THSD4: variants seen among roughly 807,000 people sequenced by gnomAD.
THSD4 encodes thrombospondin type 1 domain containing 4, also known as thrombospondin type-1 domain-containing protein 4.
In THSD4, 69 loss-of-function variants were observed where a neutral mutation model predicts 119.0. The ratio of observed to expected loss-of-function variants is 0.58; its 90% CI spans 0.48 to 0.71. The LOEUF (loss-of-function observed/expected upper bound fraction) is 0.71, where lower values mean the gene tolerates loss of function less well. Ranked by LOEUF, THSD4 falls within the 30% of genes least tolerant of loss-of-function variation. The pLI is 0.00. For missense variants in THSD4, 1,393 were observed against 1,391.1 expected (o/e 1.00, Z -0.02); for synonymous variants, 524 against 540.4 (o/e 0.97, Z 0.42).
chr15:71,104,951 T>A (rs2040268233), intron 1 of THSD4, among the ~76,000 whole-genome samples: 1 of 152,200 alleles, frequency 6.6e-6, no homozygotes, highest in African/African-American at 2.4e-5. Flanking sequence ...TAATTTGATA[T>A]CTTATTGTCA....
intron 8 of THSD4, among the ~76,000 whole-genome samples, chr15:71,662,852 T>C (rs1567088461): frequency 1.3e-5 from 2 of 152,244 alleles, no homozygotes; most frequent in African/African-American, 4.8e-5. Flanking sequence ...GTTCATTGCC[T>C]TTCTTTTGTC....
intron 6 of THSD4, among the ~76,000 whole-genome samples, chr15:71,363,746 G>T (rs2045923020): frequency 6.6e-6 from 1 of 152,110 alleles, no homozygotes; most frequent in African/African-American, 2.4e-5. Flanking sequence ...TAGGATAATT[G>T]GCCTCTTGGG....
intron 8 of THSD4, among the ~76,000 whole-genome samples, chr15:71,687,192 C>T (rs2051929389): frequency 6.6e-6 from 1 of 152,192 alleles, no homozygotes; most frequent in South Asian, 2.1e-4. Context: ...ACAGACTTCT[C>T]ACTAGATGTC....
chr15:71,669,969 G>A (rs1169484982), intron 8 of THSD4, among the ~76,000 whole-genome samples: 2 of 152,184 alleles, frequency 1.3e-5, no homozygotes, highest in African/African-American at 4.8e-5. Flanking sequence ...ATCAGTGACT[G>A]CTTAACAAAC....
At chr15:71,535,422 C>T (rs1300589224) in intron 7 of THSD4, among the ~76,000 whole-genome samples, 1 of 152,104 alleles carries the variant, frequency 6.6e-6, no homozygotes, top group Non-Finnish European at 1.5e-5. Context: ...GGGGGTTGGG[C>T]TATCATGAAT....
intron 7 of THSD4, among the ~76,000 whole-genome samples, chr15:71,576,822 A>AGT: frequency 6.6e-6 from 1 of 152,254 alleles, no homozygotes; most frequent in East Asian, 1.9e-4. Context: ...CTTGGCTACC[A>AGT]GTGGTCTCAA....
At chr15:71,475,686 C>G (rs994707643) in intron 7 of THSD4, among the ~76,000 whole-genome samples, 1 of 152,056 alleles carries the variant, frequency 6.6e-6, no homozygotes, top group African/African-American at 2.4e-5. Context: ...GCTTTGGGAG[C>G]TTGAGGCGGG....
rs2051284379 is a variant in THSD4, at chr15:71,660,620, T to A, written c.1243T>A (p.Ser415Thr). Reference protein sequence around the residue: ...GGDNTGCQVVSGVFKHALTSL... With the variant: ...GGDNTGCQVVTGVFKHALTSL... ...AGACAACACGGGCTGTCAGGTTGTG[T>A]CGGGCGTGTTTAAGCATGCCCTCAC... The change falls in exon 8 of 18, where the codon TCG becomes ACG. Residue 415 changes from serine (S) to threonine (T), a missense_variant. Ser to Thr is a moderately conservative substitution (Grantham distance 58). Transcript: ENST00000261862. The A allele has an allele frequency of 1.2e-5, 19 of 1,614,200 alleles. No individual in the cohort carries two copies. The highest frequency in any genetic ancestry group is 1.5e-5 in the Non-Finnish European group (18 of 1,180,032).
intron 3 of THSD4, among the ~76,000 whole-genome samples, chr15:71,180,134 G>T (rs1342855957): frequency 2.4e-5 from 2 of 82,662 alleles, no homozygotes; most frequent in Admixed American, 3.3e-4. Flanking sequence ...CTAAAACTTA[G>T]AGTATAATAA....
intron 7 of THSD4, among the ~76,000 whole-genome samples, chr15:71,632,323 C>T (rs1478350138): frequency 6.6e-6 from 1 of 152,224 alleles, no homozygotes; most frequent in Non-Finnish European, 1.5e-5. Context: ...AGGGATGATT[C>T]CGTGTCCCCT....
At chr15:71,748,012 T>C (rs2053372071) in intron 13 of THSD4, among the ~76,000 whole-genome samples, 1 of 152,228 alleles carries the variant, frequency 6.6e-6, no homozygotes, top group Admixed American at 6.5e-5. Context: ...AGAGAGTCCA[T>C]TCTGTCAGTC....
chr15:71,294,067 T>A (rs2044828986), intron 6 of THSD4, among the ~76,000 whole-genome samples: 1 of 152,210 alleles, frequency 6.6e-6, no homozygotes. Flanking sequence ...TCCATTTCCC[T>A]TCTAGCTCCT....
chr15:71,571,294 C>T (rs2049350694), intron 7 of THSD4, among the ~76,000 whole-genome samples: 1 of 151,914 alleles, frequency 6.6e-6, no homozygotes, highest in Non-Finnish European at 1.5e-5. Flanking sequence ...AGCCGGGTCT[C>T]AGTGAAAGGG....
At chr15:71,519,994 T>TA (rs2048416606) in intron 7 of THSD4, among the ~76,000 whole-genome samples, 1 of 152,348 alleles carries the variant, frequency 6.6e-6, no homozygotes, top group African/African-American at 2.4e-5. Context: ...ACAGGATAGC[T>TA]AGTTTTTATT....
rs2049960960 is a variant in THSD4, at chr15:71,599,127, C to T, written c.1153-61403C>T. On this transcript the variant is annotated intron_variant, in intron 7 of 17. Coordinates refer to ENST00000261862, the MANE Select transcript of THSD4 (RefSeq NM_024817.3). ...GTAAAACCATAAATGTTACTGGGTA[C>T]AAGAATTTCATGTGGCTTAGTTCTG... is the stretch of plus-strand genomic sequence containing the variant. Among the ~76,000 whole-genome samples the T allele has an allele frequency of 2.6e-5, 4 of 152,244 alleles. No homozygotes were observed. The South Asian group carries it at 6.2e-4, about 24-fold the overall frequency.
intron 7 of THSD4, among the ~76,000 whole-genome samples, chr15:71,594,171 T>C (rs2049862916): frequency 1.3e-5 from 2 of 151,856 alleles, no homozygotes; most frequent in African/African-American, 4.8e-5. Context: ...TGGACTCTTA[T>C]TTCCTTTCAC....
chr15:71,263,153 G>T (rs112154882), intron 6 of THSD4, among the ~76,000 whole-genome samples: 6,956 of 151,736 alleles, frequency 0.046, 523 homozygotes, highest in African/African-American at 0.15. Context: ...AGTGTGTGTT[G>T]TTCCCCTGTC....
intron 6 of THSD4, among the ~76,000 whole-genome samples, chr15:71,339,105 T>G (rs1293900037): frequency 6.6e-6 from 1 of 152,182 alleles, no homozygotes; most frequent in Admixed American, 6.5e-5. Flanking sequence ...TACCCTGAGA[T>G]CTTTTTGTTA....
chr15:71,470,590 C>A (rs1227681280), intron 7 of THSD4, among the ~76,000 whole-genome samples: 4 of 152,050 alleles, frequency 2.6e-5, no homozygotes, highest in Admixed American at 2.6e-4. Flanking sequence ...GTGATTTGAT[C>A]AAGATCACAA....
Sources: gnomAD v4.1 joint callset for allele counts (sites outside exome capture counted in the v4.1 genomes callset) on GRCh38, gnomAD v4.1.1 for gene constraint, MANE v1.5 for transcripts, NCBI Gene and HGNC (gene_info 2026-07-23, HGNC 2026-07-21) for gene names.